MED13: variants seen among roughly 807,000 people sequenced by gnomAD.
MED13 encodes mediator of RNA polymerase II transcription subunit 13.
In MED13, 23 loss-of-function variants were observed where a neutral mutation model predicts 225.2. The ratio of observed to expected loss-of-function variants is 0.10; its 90% confidence interval spans 0.07 to 0.14. The LOEUF is 0.14. MED13 is among the 10% of genes least tolerant of loss of function. The pLI is 1.00. For synonymous variants in MED13, 942 were observed against 889.2 expected (o/e 1.06, Z -1.06); for missense variants, 2,197 against 2,594.5 (o/e 0.85, Z 3.33).
intron 3 of MED13, among the ~76,000 whole-genome samples, chr17:62,038,206 A>AG (rs2080822241): frequency 6.6e-6 from 1 of 152,018 alleles, no homozygotes; most frequent in South Asian, 2.1e-4. Context: ...GGACCAGCCT[A>AG]GGCAGCATAA....
In MED13 at chr17:61,995,248, A is replaced by T; in HGVS notation, c.2085T>A (p.Ile695=). ...CTCCTTCAACAAATGCATATGGATC[A>T]ATTTTAGGTTCTTGTTCTGCATCAG... ...IASDAEQEPK[I]DPYAFVEGDE... is the part of the protein sequence containing the mutation. The change falls in exon 10 of 30, where the codon ATT becomes ATA. Residue 695 remains isoleucine, a synonymous_variant. Transcript: ENST00000397786. 1 of 1,613,768 alleles carries T rather than the reference A, an allele frequency of 6.2e-7. No homozygotes were observed. The highest frequency in any genetic ancestry group is 8.5e-7 in the Non-Finnish European group (1 of 1,179,854).
In MED13 at chr17:62,048,054, ATATATATATG is replaced by A. The variant is rs1388468789; in HGVS notation, c.470+4473_470+4482del. 3.0e-3 allele frequency among the ~76,000 whole-genome samples: 442 copies of A among 145,716 alleles called. 2 individuals carry two copies. The highest frequency in any genetic ancestry group is 9.9e-3 in the African/African-American group (398 of 40,002). On this transcript the variant is annotated intron_variant, in intron 3 of 29. Transcript: ENST00000397786. ...TACATATACATATACATATATATAT[ATATATATATG>A]TATATATGTATATATATATCCCTGA...
intron 8 of MED13, among the ~76,000 whole-genome samples, chr17:62,020,538 G>A (rs1405450953): frequency 2.0e-5 from 3 of 151,758 alleles, no homozygotes; most frequent in East Asian, 1.9e-4. Flanking sequence ...CACCACGCCC[G>A]GCTAATTTTT....
At chr17:61,983,145 T>C in intron 15 of MED13, 31 bp from the exon 16 acceptor site, 3 of 1,478,680 alleles carry the variant, frequency 2.0e-6, no homozygotes, top group Non-Finnish European at 2.7e-6. Flanking sequence ...GAAGATCAAA[T>C]ATATATATAA....
chr17:62,032,521 C>T (rs1421201738), intron 5 of MED13: 3 of 151,206 alleles, frequency 2.0e-5, no homozygotes, highest in Admixed American at 6.6e-5. Context: ...GTGATCTTCA[C>T]GTCTAACATT....
intron 23 of MED13, among the ~76,000 whole-genome samples, chr17:61,960,329 C>T (rs1310517578): frequency 3.3e-5 from 5 of 151,670 alleles, no homozygotes; most frequent in Non-Finnish European, 5.9e-5. Flanking sequence ...AATGCAATGG[C>T]GTGATCTTGG....
chr17:62,029,815 C>T lies in MED13; in HGVS notation c.1172+36G>A, dbSNP rs373238520. ...TCTTCTAATTATAAGTAATTATCAA[C>T]ATGCAATTTTTGAACTTATAAATGA... On this transcript the variant is annotated intron_variant, in intron 7 of 29. Coordinates refer to ENST00000397786, the MANE Select transcript of MED13 (RefSeq NM_005121.3). The T allele has an allele frequency of 4.8e-4, 751 of 1,559,484 alleles. 1 individual carries two copies. The highest frequency in any genetic ancestry group is 6.0e-4 in the Non-Finnish European group (687 of 1,153,190).
At chr17:62,047,374 A>G (rs2080907752) in intron 3 of MED13, among the ~76,000 whole-genome samples, 1 of 152,108 alleles carries the variant, frequency 6.6e-6, no homozygotes, top group African/African-American at 2.4e-5. Flanking sequence ...TCATCTCAAA[A>G]ACAAAAAGAA....
At chr17:61,998,762 G>A (rs1470819985) in intron 9 of MED13, among the ~76,000 whole-genome samples, 1 of 151,446 alleles carries the variant, frequency 6.6e-6, no homozygotes, top group African/African-American at 2.4e-5. Context: ...ACCACACTTG[G>A]CTAGTTTTTT....
At chr17:61,949,805 A>G (rs1392131738) in intron 28 of MED13, among the ~76,000 whole-genome samples, 1 of 152,002 alleles carries the variant, frequency 6.6e-6, no homozygotes, top group Non-Finnish European at 1.5e-5. Flanking sequence ...CTCCTGCCTC[A>G]GTCTCCCAAA....
chr17:61,968,877 G>A (rs551066520), intron 17 of MED13, among the ~76,000 whole-genome samples: 6 of 152,108 alleles, frequency 3.9e-5, no homozygotes, highest in African/African-American at 9.6e-5. Flanking sequence ...TCAGCTTCCC[G>A]AATAGCTGGG....
intron 9 of MED13, among the ~76,000 whole-genome samples, chr17:62,009,038 A>T (rs1170024647): frequency 1.3e-5 from 2 of 151,972 alleles, no homozygotes; most frequent in African/African-American, 4.8e-5. Flanking sequence ...GTAATTCACT[A>T]AAAAAAAGGT....
chr17:62,058,612 T>C (rs578206051), intron 2 of MED13, among the ~76,000 whole-genome samples: 1 of 150,840 alleles, frequency 6.6e-6, no homozygotes, highest in Non-Finnish European at 1.5e-5. Flanking sequence ...TATCAAAACA[T>C]ATCGACCCCG....
chr17:61,970,362 C>T (rs2080096120), intron 17 of MED13, among the ~76,000 whole-genome samples: 1 of 151,996 alleles, frequency 6.6e-6, no homozygotes, highest in South Asian at 2.1e-4. Context: ...GGAAAACAGG[C>T]ACTTTAACTG....
intron 20 of MED13, among the ~76,000 whole-genome samples, chr17:61,963,933 AAGTACTTAATGTATATTAT>A (rs2080030464): frequency 6.6e-6 from 1 of 152,212 alleles, no homozygotes; most frequent in African/African-American, 2.4e-5. Flanking sequence ...TCACTGTGTA[AAGTACTTAATGTATATTAT>A]ATCATATTAC....
rs1395609477 is a variant in MED13, at chr17:61,965,478, A to G, written c.4382-10T>C. The G allele has an allele frequency of 6.3e-7, 1 of 1,595,282 alleles. No individual in the cohort carries two copies. Among genetic ancestry groups the G allele is most frequent in the Non-Finnish European group, 8.5e-7 (1 of 1,170,790 alleles). On this transcript the variant is annotated splice_polypyrimidine_tract_variant and intron_variant, in intron 19 of 29. Coordinates refer to ENST00000397786, the MANE Select transcript of MED13 (RefSeq NM_005121.3). ...GAAGCAAGATAAGGACCTAAAGAAT[A>G]AAAACAGGTACGAAATTTAATTCTT...
chr17:62,027,771 T>C (rs966568503), intron 8 of MED13, among the ~76,000 whole-genome samples: 5 of 152,154 alleles, frequency 3.3e-5, no homozygotes, highest in African/African-American at 9.7e-5. Flanking sequence ...CATGAAAACT[T>C]TTCAAAAGAA....
intron 2 of MED13, among the ~76,000 whole-genome samples, chr17:62,062,338 T>G (rs905274457): frequency 1.3e-5 from 2 of 152,224 alleles, no homozygotes; most frequent in African/African-American, 4.8e-5. Context: ...AAGTAGCATT[T>G]GGTCCTAAAA....
At chr17:62,002,641 C>G (rs1049293191) in intron 9 of MED13, among the ~76,000 whole-genome samples, 6 of 152,144 alleles carry the variant, frequency 3.9e-5, no homozygotes, top group African/African-American at 1.4e-4. Flanking sequence ...CACATCATAT[C>G]TGAAGCAATA....
Sources: gnomAD v4.1 joint callset for allele counts (sites outside exome capture counted in the v4.1 genomes callset) on GRCh38, gnomAD v4.1.1 for gene constraint, MANE v1.5 for transcripts, NCBI Gene and HGNC (gene_info 2026-07-23, HGNC 2026-07-21) for gene names.